Variants in ABCB1 observed in about 807,000 individuals in gnomAD.
ABCB1 encodes the protein ATP binding cassette subfamily B member 1.
A neutral mutation model predicts 142.0 loss-of-function variants in ABCB1; 69 were observed. The ratio of observed to expected loss-of-function variants is 0.49; its 90% CI spans 0.40 to 0.59. The LOEUF is 0.59. Among genes scored for constraint, ABCB1 ranks in the 20% least tolerant of loss-of-function variants. ABCB1 has a pLI of 0.00. For missense variants in ABCB1, 1,326 were observed against 1,554.7 expected, an observed-to-expected ratio of 0.85 and a Z score of 2.47; for synonymous variants, 532 against 539.2, an observed-to-expected ratio of 0.99 and a Z score of 0.18.
At chr7:87,600,336 G>T in intron 1 of ABCB1, 146 bp from the exon 2 acceptor site, 1 of 715,006 alleles carries the variant, frequency 1.4e-6, no homozygotes, top group Admixed American at 2.0e-5. Context: ...GCCGCGATGG[G>T]CACTGCAGGG....
At chr7:87,521,420 A>G (rs1164210126) in intron 21 of ABCB1, 1 of 665,230 alleles carries the variant, frequency 1.5e-6, no homozygotes, top group Non-Finnish European at 2.7e-6. Flanking sequence ...CGTGGACGCC[A>G]CCAAGGAAGC....
chr7:87,508,665 G>A (rs757044802), intron 26 of ABCB1, among the ~76,000 whole-genome samples: 54 of 152,148 alleles, frequency 3.5e-4, no homozygotes, highest in Non-Finnish European at 6.0e-4. Flanking sequence ...GTATGACGAT[G>A]AGAGATTACA....
Position 87,544,926 on chromosome 7 carries a change from G to A in ABCB1, c.1961C>T (p.Ser654Phe). The A allele has an allele frequency of 6.2e-7, 1 of 1,614,076 alleles. No individual in the cohort carries two copies. The highest frequency in any genetic ancestry group is 8.5e-7 in the Non-Finnish European group (1 of 1,179,976). ...TAGACTGGATCTTGAATCATTTGAA[G>A]ACATTTCCAAGGCATCAATTTCACT... ...SKSEIDALEM[S>F]SNDSRSSLIR... Residue 654 changes from serine (S) to phenylalanine (F), a missense_variant, in exon 16 of 28, where the codon TCT (serine) becomes TTT (phenylalanine). Ser to Phe is a radical substitution (Grantham distance 155). Transcript: ENST00000622132.
chr7:87,524,042 A>G (rs1165814246), intron 21 of ABCB1, among the ~76,000 whole-genome samples: 2 of 152,208 alleles, frequency 1.3e-5, no homozygotes, highest in Admixed American at 6.5e-5. Flanking sequence ...AATCATAAAC[A>G]TGGAATTCCA....
At chr7:87,542,866 T>C (rs1318400538) in intron 17 of ABCB1, among the ~76,000 whole-genome samples, 1 of 152,152 alleles carries the variant, frequency 6.6e-6, no homozygotes, top group African/African-American at 2.4e-5. Flanking sequence ...ACAGAAATCA[T>C]GTGGCATGCA....
At chr7:87,516,320 T>C (rs373272764) in intron 24 of ABCB1, among the ~76,000 whole-genome samples, 189 bp downstream of exon 24, 1 of 152,178 alleles carries the variant, frequency 6.6e-6, no homozygotes, top group Non-Finnish European at 1.5e-5. Context: ...TATTTCCCTA[T>C]AACCTTTGCT....
intron 22 of ABCB1, among the ~76,000 whole-genome samples, chr7:87,519,792 GAC>G (rs2117095540): frequency 6.6e-6 from 1 of 152,248 alleles, no homozygotes; most frequent in African/African-American, 2.4e-5. Context: ...CCCACTTTTG[GAC>G]ACACAGTATG....
intron 22 of ABCB1, 91 bp from the exon 23 acceptor site, chr7:87,519,557 C>T (rs1343289378): frequency 1.3e-6 from 2 of 1,486,534 alleles, no homozygotes; most frequent in Non-Finnish European, 1.9e-6. Context: ...GGCACAGAGG[C>T]ATGACCAACA....
intron 1 of ABCB1, among the ~76,000 whole-genome samples, chr7:87,632,360 C>T (rs1291577851): frequency 6.6e-6 from 1 of 152,084 alleles, no homozygotes; most frequent in East Asian, 1.9e-4. Context: ...AATTTTGGCT[C>T]ATGTGTGATT....
intron 1 of ABCB1, among the ~76,000 whole-genome samples, chr7:87,627,139 A>AT (rs1386694341): frequency 6.6e-6 from 1 of 152,186 alleles, no homozygotes; most frequent in Non-Finnish European, 1.5e-5. Flanking sequence ...GAAAAGGATG[A>AT]TTTTTTGACT....
At chr7:87,611,832 T>C (rs911756443) in intron 1 of ABCB1, among the ~76,000 whole-genome samples, 1 of 152,198 alleles carries the variant, frequency 6.6e-6, no homozygotes, top group African/African-American at 2.4e-5. Context: ...TAGATTTTCA[T>C]AGCATGCTGC....
At chr7:87,659,684 G>T (rs1030444995) in intron 1 of ABCB1, among the ~76,000 whole-genome samples, 5 of 152,002 alleles carry the variant, frequency 3.3e-5, no homozygotes, top group African/African-American at 1.2e-4. Context: ...CACAGTCCGG[G>T]GTATAAGAGG....
chr7:87,710,602 A>G, intron 1 of ABCB1: 1 of 1,602,938 alleles, frequency 6.2e-7, no homozygotes, highest in Non-Finnish European at 8.5e-7. Flanking sequence ...CACTCATGGA[A>G]AAACATTTAT....
At position 87,533,356 on chromosome 7, in the gene ABCB1, A is replaced by G. The variant is rs555920630; in HGVS notation, c.2482-1859T>C. ...TAGAATCACTTCTAGGTGTGAGTTC[A>G]TGGCAGAGGAATTACCTGGCTATTT... On this transcript the variant is annotated intron_variant, in intron 20 of 27. Transcript: ENST00000622132. Among the ~76,000 whole-genome samples the G allele has an allele frequency of 7.2e-5, 11 of 152,296 alleles. 1 individual carries two copies. In the South Asian group the frequency reaches 2.3e-3, roughly 32 times the overall value.
At chr7:87,685,472 G>A (rs141497420) in intron 1 of ABCB1, among the ~76,000 whole-genome samples, 23 of 151,996 alleles carry the variant, frequency 1.5e-4, no homozygotes, top group Admixed American at 1.1e-3. Flanking sequence ...ATAAACTGTT[G>A]TATGTTCATA....
At chr7:87,508,581 T>C (rs1026730481) in intron 26 of ABCB1, among the ~76,000 whole-genome samples, 1 of 152,128 alleles carries the variant, frequency 6.6e-6, no homozygotes, top group Non-Finnish European at 1.5e-5. Context: ...AGGACACCCA[T>C]AGGACCACAG....
At chr7:87,651,517 A>G (rs28381752) in intron 1 of ABCB1, among the ~76,000 whole-genome samples, 282 of 152,278 alleles carry the variant, frequency 1.9e-3, no homozygotes, top group African/African-American at 6.5e-3. Flanking sequence ...AAAATTCAAG[A>G]AGTATTATAT....
At chr7:87,596,798 A>G (rs1009223159) in intron 2 of ABCB1, among the ~76,000 whole-genome samples, 1 of 152,120 alleles carries the variant, frequency 6.6e-6, no homozygotes, top group Non-Finnish European at 1.5e-5. Context: ...TTAGACAGAC[A>G]TAAAATACAC....
intron 2 of ABCB1, 133 bp downstream of exon 2, chr7:87,599,984 C>T: frequency 2.3e-6 from 2 of 888,148 alleles, no homozygotes; most frequent in East Asian, 5.3e-5. Flanking sequence ...GATATTGATT[C>T]CAAAGGCTAG....
Sources: gnomAD v4.1 joint callset for allele counts (sites outside exome capture counted in the v4.1 genomes callset) on GRCh38, gnomAD v4.1.1 for gene constraint, MANE v1.5 for transcripts, NCBI Gene and HGNC (gene_info 2026-07-23, HGNC 2026-07-21) for gene names.